Variants in CCDC43 observed in about 807,000 individuals in gnomAD.
The protein encoded by CCDC43 is coiled-coil domain containing 43, also known as coiled-coil domain-containing protein 43.
Under a neutral mutation model 33.3 loss-of-function variants are expected in CCDC43, and 20 were observed. The observed-to-expected ratio is 0.60, with a 90% CI of 0.42 to 0.87. CCDC43 has a LOEUF of 0.87. Ranked by LOEUF, CCDC43 falls within the 40% of genes least tolerant of loss-of-function variation. The probability of loss-of-function intolerance (pLI) is 0.00; values close to 1 mark genes in which losing one functional copy is unlikely to be tolerated. For synonymous variants in CCDC43, 104 were observed against 106.5 expected, an observed-to-expected ratio of 0.98 and a Z score of 0.14; for missense variants, 248 against 269.9, an observed-to-expected ratio of 0.92 and a Z score of 0.57.
chr17:44,689,733 C>T lies in CCDC43; in HGVS notation c.21G>A (p.Val7=). Residue 7 remains valine, a synonymous_variant, in exon 1 of 5, where the codon GTG becomes GTA. Coordinates refer to ENST00000315286, the MANE Select transcript of CCDC43 (RefSeq NM_144609.3). The stretch of plus-strand genomic sequence containing the variant: ...CGCCTTCGCCAGGGGCTATCGCGGC[C>T]ACTTCGCTGGGCGCCGCCATCTTGG... MAAPSE[V]AAIAPGEGDG... is the part of the protein sequence containing the mutation. 1 of 1,572,354 alleles carries T rather than the reference C, an allele frequency of 6.4e-7. No homozygotes were observed. The highest frequency in any genetic ancestry group is 8.6e-7 in the Non-Finnish European group (1 of 1,160,740).
intron 1 of CCDC43, among the ~76,000 whole-genome samples, chr17:44,686,207 C>A (rs527998915): frequency 2.2e-4 from 33 of 152,232 alleles, no homozygotes; most frequent in African/African-American, 7.7e-4. Flanking sequence ...GCCACCGCGC[C>A]CAGCCGAGCC....
At chr17:44,681,981 G>T (rs1972169728) in intron 3 of CCDC43, 22 bp downstream of exon 3, 2 of 1,613,640 alleles carry the variant, frequency 1.2e-6, no homozygotes, top group Non-Finnish European at 1.7e-6. Flanking sequence ...AGGGAATGGT[G>T]CCGAGACTCC....
chr17:44,683,080 C>T (rs1044669110), intron 2 of CCDC43, among the ~76,000 whole-genome samples: 1 of 152,106 alleles, frequency 6.6e-6, no homozygotes, highest in African/African-American at 2.4e-5. Flanking sequence ...GTACAGAGTT[C>T]AGAATCTTTC....
In CCDC43 at chr17:44,681,044, G is replaced by C. The variant is rs560854255; in HGVS notation, c.429-401C>G. 2.8e-4 allele frequency among the ~76,000 whole-genome samples: 42 copies of C among 152,246 alleles called. No individual in the cohort carries two copies. The South Asian group carries it at 8.7e-3, about 32-fold the overall frequency. ...ATCTGTGTTTTAACAAGTCCTCCAGGAGAACCACTGCTTTAAAAGTCCTTT... is the reference window on the plus strand; with the variant it reads ...ATCTGTGTTTTAACAAGTCCTCCAGCAGAACCACTGCTTTAAAAGTCCTTT... On this transcript the variant is annotated intron_variant, in intron 3 of 4. Coordinates refer to ENST00000315286, the MANE Select transcript of CCDC43 (RefSeq NM_144609.3).
At chr17:44,686,954 C>T (rs1032904567) in intron 1 of CCDC43, among the ~76,000 whole-genome samples, 12 of 152,012 alleles carry the variant, frequency 7.9e-5, no homozygotes, top group African/African-American at 2.9e-4. Context: ...TTGAATTTTA[C>T]CTCAGATTAT....
At chr17:44,679,848 C>T (rs1379795841) in intron 4 of CCDC43, among the ~76,000 whole-genome samples, 1 of 151,110 alleles carries the variant, frequency 6.6e-6, no homozygotes, top group Non-Finnish European at 1.5e-5. Flanking sequence ...GAGCCGAGAT[C>T]GCACCACTGC....
At chr17:44,681,759 G>T in intron 3 of CCDC43, 1 of 501,388 alleles carries the variant, frequency 2.0e-6, no homozygotes. Context: ...GGACTATTAA[G>T]ACATTATTTG....
rs1233628655 is a variant in CCDC43 at position 44,678,877 on chromosome 17, C to T, written c.654G>A (p.Gln218=). ...ERKEKEKKRT[Q]RGERKR ...AAGGTTATCGCTTTCGCTCCCCTCTCTGTGTCCTTTTTTTTTCCTTTTCCT... is the reference window on the plus strand; with the variant it reads ...AAGGTTATCGCTTTCGCTCCCCTCTTTGTGTCCTTTTTTTTTCCTTTTCCT... Residue 218 remains glutamine (Q), a synonymous_variant, in exon 5 of 5, where the codon CAG becomes CAA. Coordinates refer to ENST00000315286, the MANE Select transcript of CCDC43 (RefSeq NM_144609.3). 6.2e-7 allele frequency: 1 copy of T among 1,613,756 alleles called. No individual in the cohort carries two copies. The highest frequency in any genetic ancestry group is 1.1e-5 in the South Asian group (1 of 91,038).
intron 3 of CCDC43, 57 bp from the exon 4 acceptor site, chr17:44,680,700 A>G (rs1972146361): frequency 6.9e-6 from 9 of 1,300,094 alleles, no homozygotes; most frequent in Non-Finnish European, 8.9e-6. Flanking sequence ...AACATTAGAA[A>G]ACATTCAATA....
At chr17:44,688,327 T>A (rs1349202095) in intron 1 of CCDC43, 1 of 152,080 alleles carries the variant, frequency 6.6e-6, no homozygotes, top group African/African-American at 2.4e-5. Flanking sequence ...ATTTTTTAAA[T>A]TTTTTTGTAG....
At chr17:44,680,741 G>C in intron 3 of CCDC43, 98 bp from the exon 4 acceptor site, 1 of 836,910 alleles carries the variant, frequency 1.2e-6, no homozygotes. Flanking sequence ...ACACTGAATG[G>C]AGGGAGCACA....
intron 2 of CCDC43, 121 bp from the exon 3 acceptor site, chr17:44,682,259 G>T: frequency 8.2e-7 from 1 of 1,226,218 alleles, no homozygotes; most frequent in Non-Finnish European, 1.2e-6. Context: ...CTTAGAGCCT[G>T]GCAGTTCAAA....
chr17:44,686,580 C>T (rs1431834453), intron 1 of CCDC43, among the ~76,000 whole-genome samples: 1 of 152,196 alleles, frequency 6.6e-6, no homozygotes, highest in Non-Finnish European at 1.5e-5. Flanking sequence ...TCATCCAAAT[C>T]AATGTAGTTC....
At chr17:44,679,163 G>C (rs1972120478) in intron 4 of CCDC43, 120 bp from the exon 5 acceptor site, 2 of 627,568 alleles carry the variant, frequency 3.2e-6, no homozygotes, top group Admixed American at 7.7e-5. Context: ...ATCTATTCCT[G>C]GTTTTTTAAA....
rs772097897 is a variant in CCDC43, at chr17:44,678,978, G to T, written c.553C>A (p.Arg185=). Residue 185 remains arginine, a synonymous_variant, in exon 5 of 5, where the codon CGG becomes AGG. Transcript: ENST00000315286. ...NARKLERDSL[R]DESQRKKEQD... ...TCCTTCTTCCTTTGGGATTCATCCCGAAGTGAGTCTCGCTCCAGTTTTCGG... is the reference window on the plus strand; with the variant it reads ...TCCTTCTTCCTTTGGGATTCATCCCTAAGTGAGTCTCGCTCCAGTTTTCGG... 7 of 1,613,302 alleles carry T rather than the reference G, an allele frequency of 4.3e-6. No individual in the cohort carries two copies. The South Asian group carries it at 4.4e-5, about 10-fold the overall frequency.
chr17:44,686,523 G>T (rs1036599491), intron 1 of CCDC43, among the ~76,000 whole-genome samples: 4 of 152,210 alleles, frequency 2.6e-5, no homozygotes, highest in Admixed American at 6.5e-5. Flanking sequence ...AGGCAAAAGA[G>T]AACGGGAACT....
chr17:44,682,239 C>T, intron 2 of CCDC43, 101 bp from the exon 3 acceptor site: 1 of 1,393,880 alleles, frequency 7.2e-7, no homozygotes. Flanking sequence ...ACATTGGCAT[C>T]TGCTGCCTCC....
intron 1 of CCDC43, 108 bp from the exon 2 acceptor site, chr17:44,684,067 G>T: frequency 1.4e-6 from 1 of 718,760 alleles, no homozygotes. Flanking sequence ...GTGAAATTAT[G>T]GAAGGGTCTG....
At chr17:44,682,391 TAAAAAAA>T (rs67280453) in intron 2 of CCDC43, among the ~76,000 whole-genome samples, 3 of 101,000 alleles carry the variant, frequency 3.0e-5, no homozygotes, top group East Asian at 6.3e-4. Flanking sequence ...TCTGCTGCCT[TAAAAAAA>T]AAAAAAAAAA....
Sources: gnomAD v4.1 joint callset for allele counts (sites outside exome capture counted in the v4.1 genomes callset) on GRCh38, gnomAD v4.1.1 for gene constraint, MANE v1.5 for transcripts, NCBI Gene and HGNC (gene_info 2026-07-23, HGNC 2026-07-21) for gene names.